PTPRG: variants seen among roughly 807,000 people sequenced by gnomAD.
The protein encoded by PTPRG is protein tyrosine phosphatase receptor type G.
PTPRG carries 102 observed loss-of-function variants against 165.3 expected under a neutral mutation model. That is an observed-to-expected ratio of 0.62 (90% CI 0.53 to 0.73). The LOEUF is 0.73. PTPRG is among the 30% of genes least tolerant of loss of function. PTPRG has a pLI of 0.00. For synonymous variants in PTPRG, 675 were observed against 669.5 expected (o/e 1.01, Z -0.13); for missense variants, 1,866 against 1,861.4 (o/e 1.00, Z -0.05).
rs1363984780 is a variant in PTPRG, at chr3:62,240,578, G to A, written c.2376-3229G>A. 6.6e-6 allele frequency among the ~76,000 whole-genome samples: 1 copy of A among 152,162 alleles called. No homozygotes were observed. The highest frequency in any genetic ancestry group is 2.4e-5 in the African/African-American group (1 of 41,436). ...GACTGTCCCCTGCTCCTAGACACCA[G>A]TGAAGGTTCTTTGGTCGCTAGATCC... is the stretch of plus-strand genomic sequence containing the variant. On this transcript the variant is annotated intron_variant, in intron 14 of 29. Coordinates refer to ENST00000474889, the MANE Select transcript of PTPRG (RefSeq NM_002841.4). The surrounding 1 kb of genome is among the most constrained non-coding windows in gnomAD (Gnocchi z 5.1).
At chr3:61,989,904 C>T (rs1444074349) in intron 3 of PTPRG, 100 bp downstream of exon 3, 2 of 1,330,294 alleles carry the variant, frequency 1.5e-6, no homozygotes, top group Non-Finnish European at 2.1e-6. Flanking sequence ...AAATAGTGCA[C>T]ATTGCTGTGG....
At chr3:61,893,711 A>G (rs2038277228) in intron 2 of PTPRG, among the ~76,000 whole-genome samples, 1 of 152,196 alleles carries the variant, frequency 6.6e-6, no homozygotes, top group Non-Finnish European at 1.5e-5. Context: ...TGTGTTCACC[A>G]TTTTATCATC....
At chr3:62,140,625 T>C (rs1703889193) in intron 6 of PTPRG, among the ~76,000 whole-genome samples, 2 of 152,224 alleles carry the variant, frequency 1.3e-5, no homozygotes, top group South Asian at 4.1e-4. Flanking sequence ...GGTGGGCAGA[T>C]CACCTGAGGT....
intron 1 of PTPRG, among the ~76,000 whole-genome samples, chr3:61,594,624 C>CT (rs1420106378): frequency 6.6e-6 from 1 of 152,194 alleles, no homozygotes; most frequent in African/African-American, 2.4e-5. Context: ...GTTAGGTAGA[C>CT]TGTTACTCAT....
chr3:61,572,559 A>G (rs991358612), intron 1 of PTPRG, among the ~76,000 whole-genome samples: 1 of 152,172 alleles, frequency 6.6e-6, no homozygotes, highest in South Asian at 2.1e-4. Flanking sequence ...ATGCATTAAA[A>G]ATCAGTCATT....
chr3:61,832,890 C>T (rs753176427), intron 2 of PTPRG, among the ~76,000 whole-genome samples: 8 of 152,086 alleles, frequency 5.3e-5, no homozygotes, highest in Admixed American at 2.0e-4. Flanking sequence ...CAAAGTCCAG[C>T]GTTATCATTC....
At chr3:62,115,781 C>A (rs1222151781) in intron 5 of PTPRG, among the ~76,000 whole-genome samples, 1 of 151,994 alleles carries the variant, frequency 6.6e-6, no homozygotes, top group Non-Finnish European at 1.5e-5. Flanking sequence ...AAGGGATCCA[C>A]CTGCCTTGGC....
chr3:62,082,666 G>A (rs1701621172), intron 5 of PTPRG, among the ~76,000 whole-genome samples: 1 of 152,166 alleles, frequency 6.6e-6, no homozygotes, highest in Non-Finnish European at 1.5e-5. Flanking sequence ...CAGTAACTCT[G>A]AATGGCAGCT....
At chr3:61,960,172 T>C (rs1428468449) in intron 2 of PTPRG, among the ~76,000 whole-genome samples, 1 of 152,052 alleles carries the variant, frequency 6.6e-6, no homozygotes, top group Non-Finnish European at 1.5e-5. Context: ...TTCATACCTT[T>C]CTCCCCCACT....
chr3:61,727,232 G>A (rs1050629525), intron 1 of PTPRG, among the ~76,000 whole-genome samples: 1 of 151,060 alleles, frequency 6.6e-6, no homozygotes, highest in Non-Finnish European at 1.5e-5. Context: ...TTTTGAGATG[G>A]AGTAGTGCGG....
rs376430032 is a variant in PTPRG at position 61,632,734 on chromosome 3, G to A, written c.85+70362G>A. Among the ~76,000 whole-genome samples, 11 of 152,324 alleles carry A rather than the reference G, an allele frequency of 7.2e-5. No homozygotes were observed. The South Asian group carries it at 1.5e-3, about 20-fold the overall frequency. On this transcript the variant is annotated intron_variant, in intron 1 of 29. Coordinates refer to ENST00000474889, the MANE Select transcript of PTPRG (RefSeq NM_002841.4). ...AGTGATGATGTAAGCATGTGTTTAA[G>A]TTGAGCATTTCTGACCAATTATTTC... is the stretch of plus-strand genomic sequence containing the variant.
chr3:62,164,463 A>G (rs1194363101), intron 7 of PTPRG, among the ~76,000 whole-genome samples: 1 of 152,180 alleles, frequency 6.6e-6, no homozygotes, highest in Admixed American at 6.5e-5. Context: ...ACAGGGTTTT[A>G]GTGAATGCCG....
chr3:61,747,726 G>A (rs569408701), intron 1 of PTPRG, among the ~76,000 whole-genome samples: 3 of 151,914 alleles, frequency 2.0e-5, no homozygotes, highest in Non-Finnish European at 2.9e-5. Context: ...TACAGAATGC[G>A]TTGTGTTTTC....
At position 61,817,097 on chromosome 3, in the gene PTPRG, T is replaced by TTATTACA. The variant is rs1172997744; in HGVS notation, c.190+68133_190+68139dup. Among the ~76,000 whole-genome samples, 411 of 131,900 alleles carry TTATTACA rather than the reference T, an allele frequency of 3.1e-3. 3 individuals are homozygous for TTATTACA. The highest frequency in any genetic ancestry group is 0.011 in the African/African-American group (396 of 35,290). 86.5% of individuals were successfully genotyped at this position (131,900 alleles called of 152,430 possible). ...TATTATATATAATATATATTACATATTATTACATATTACATATTACATATG... is the reference window on the plus strand; with the variant it reads ...TATTATATATAATATATATTACATATTATTACATATTACATATTACATATTACATATG... On this transcript the variant is annotated intron_variant, in intron 2 of 29. Transcript: ENST00000474889.
chr3:61,677,287 A>G (rs1266756137), intron 1 of PTPRG, among the ~76,000 whole-genome samples: 2 of 150,762 alleles, frequency 1.3e-5, no homozygotes, highest in Non-Finnish European at 2.9e-5. Context: ...CTTCTTATGT[A>G]TGTTTAGTGT....
chr3:62,233,696 T>C lies in PTPRG; in HGVS notation c.2375+2385T>C, dbSNP rs946374933. ...TCATGTGGCATTACTCTTCTGCCCC[T>C]GTCATCTCCCTGTCCCACAGCAGGA... On this transcript the variant is annotated intron_variant, in intron 14 of 29. Transcript: ENST00000474889. The surrounding 1 kb of genome is among the most constrained non-coding windows in gnomAD (Gnocchi z 4.7). Among the ~76,000 whole-genome samples, 4 of 152,164 alleles carry C rather than the reference T, an allele frequency of 2.6e-5. No individual in the cohort carries two copies. The highest frequency in any genetic ancestry group is 9.7e-5 in the African/African-American group (4 of 41,422).
intron 2 of PTPRG, among the ~76,000 whole-genome samples, chr3:61,755,589 T>G (rs1242272373): frequency 6.6e-6 from 1 of 152,214 alleles, no homozygotes; most frequent in Non-Finnish European, 1.5e-5. Flanking sequence ...GTGCTAAATG[T>G]GAAGGGCCAG....
intron 1 of PTPRG, among the ~76,000 whole-genome samples, chr3:61,708,705 C>A (rs1374318912): frequency 2.0e-5 from 3 of 152,084 alleles, no homozygotes; most frequent in Non-Finnish European, 4.4e-5. Context: ...GATCCGCCCG[C>A]CTCGGCCTCC....
chr3:62,228,818 T>C lies in PTPRG; in HGVS notation c.2289-2407T>C, dbSNP rs1460723772. 6.6e-6 allele frequency among the ~76,000 whole-genome samples: 1 copy of C among 152,182 alleles called. No individual in the cohort carries two copies. The highest frequency in any genetic ancestry group is 1.5e-5 in the Non-Finnish European group (1 of 68,018). The stretch of plus-strand genomic sequence containing the variant: ...TCAAAAGGTAGGTTTATATAAAACT[T>C]TGTCTAGTTTGGAAAACTCTGAGCT... On this transcript the variant is annotated intron_variant, in intron 13 of 29. Transcript: ENST00000474889. This position sits in a 1 kb window ranked among gnomAD's most constrained non-coding sequence, Gnocchi z 4.1.
Sources: gnomAD v4.1 joint callset for allele counts (sites outside exome capture counted in the v4.1 genomes callset) on GRCh38, gnomAD v4.1.1 for gene constraint, Gnocchi (gnomAD v3.1) non-coding constraint, MANE v1.5 for transcripts, NCBI Gene and HGNC (gene_info 2026-07-23, HGNC 2026-07-21) for gene names.